Variants in PDE2A observed in about 807,000 individuals in gnomAD.
PDE2A encodes cGMP-dependent 3',5'-cyclic phosphodiesterase.
PDE2A carries 53 observed loss-of-function variants against 133.6 expected under a neutral mutation model. The ratio of observed to expected loss-of-function variants is 0.40; its 90% CI spans 0.32 to 0.50. PDE2A has a LOEUF of 0.50. Among genes scored for constraint, PDE2A ranks in the 20% least tolerant of loss-of-function variants. The probability of loss-of-function intolerance (pLI) is 0.73; values close to 1 mark genes in which losing one functional copy is unlikely to be tolerated. For missense variants in PDE2A, 796 were observed against 1,232.4 expected (o/e 0.65, Z 5.30); for synonymous variants, 491 against 490.2 (o/e 1.00, Z -0.02).
Position 72,588,861 on chromosome 11 carries a change from G to C in PDE2A, c.993C>G (p.Leu331=). The C allele has an allele frequency of 1.9e-6, 3 of 1,611,926 alleles. No individual in the cohort carries two copies. The highest frequency in any genetic ancestry group is 2.7e-5 in the African/African-American group (2 of 75,060). The change falls in exon 13 of 31, where the codon CTC becomes CTG. Residue 331 remains leucine, a synonymous_variant. Transcript: ENST00000334456. ...TGGCCCGGCTGATGACAGGGACACA[G>C]AGCATGGCCTGCAGCTCACAGCCCA... The part of the protein sequence containing the change: ...SMLGCELQAM[L]CVPVISRATD...
chr11:72,582,128 A>G (rs2064943335), intron 21 of PDE2A, 181 bp from the exon 22 acceptor site: 1 of 621,318 alleles, frequency 1.6e-6, no homozygotes, highest in South Asian at 2.0e-5. Flanking sequence ...GAGATCTAAG[A>G]ACTAAGAACT....
At chr11:72,674,055 C>T in intron 1 of PDE2A, 82 bp downstream of exon 1, 1 of 1,412,412 alleles carries the variant, frequency 7.1e-7, no homozygotes, top group Non-Finnish European at 9.8e-7. Context: ...ATGCCAACCC[C>T]AGCTCCTTGG....
At chr11:72,673,990 G>A (rs945474601) in intron 1 of PDE2A, 147 bp downstream of exon 1, 4 of 749,686 alleles carry the variant, frequency 5.3e-6, no homozygotes, top group South Asian at 3.7e-5. Flanking sequence ...GTCTGGCAAC[G>A]CGGGGAGGAG....
chr11:72,655,418 A>G (rs1854867455), intron 1 of PDE2A, among the ~76,000 whole-genome samples: 1 of 149,558 alleles, frequency 6.7e-6, no homozygotes, highest in South Asian at 2.1e-4. Flanking sequence ...ACTCCTCAAG[A>G]ACCTGGCCCA....
intron 1 of PDE2A, chr11:72,668,527 A>G: frequency 1.4e-6 from 1 of 698,524 alleles, no homozygotes; most frequent in Non-Finnish European, 2.6e-6. Flanking sequence ...TCCCTGAGGG[A>G]AGAGGTCGAT....
chr11:72,635,900 C>T (rs1331240497), intron 2 of PDE2A: 1 of 964,800 alleles, frequency 1.0e-6, no homozygotes, highest in Non-Finnish European at 1.3e-6. Context: ...CCTTTGCTCT[C>T]ACTCCCGGCC....
chr11:72,589,994 C>T lies in PDE2A; in HGVS notation c.757-13G>A. ...TCTCCTGCTGCAGCTGAGAGAGGGA[C>T]AGGCAGGGCGAGGGGGTGACCGCGG... On this transcript the variant is annotated splice_polypyrimidine_tract_variant and intron_variant, in intron 9 of 30. Coordinates refer to ENST00000334456, the MANE Select transcript of PDE2A (RefSeq NM_002599.5). The T allele has an allele frequency of 6.2e-7, 1 of 1,607,972 alleles. No individual in the cohort carries two copies. Among genetic ancestry groups the T allele is most frequent in the Non-Finnish European group, 8.5e-7 (1 of 1,177,298 alleles).
At chr11:72,606,418 T>C (rs963865376) in intron 3 of PDE2A, among the ~76,000 whole-genome samples, 3 of 152,156 alleles carry the variant, frequency 2.0e-5, no homozygotes, top group Non-Finnish European at 4.4e-5. Flanking sequence ...TCTGAGAGCG[T>C]CCACAATCCT....
intron 1 of PDE2A, among the ~76,000 whole-genome samples, chr11:72,664,498 C>A (rs1044660056): frequency 6.7e-6 from 1 of 149,742 alleles, no homozygotes; most frequent in African/African-American, 2.5e-5. Flanking sequence ...CTCAGCCTCC[C>A]GAGTAGCTGG....
At chr11:72,592,647 G>A (rs1222380317) in intron 6 of PDE2A, among the ~76,000 whole-genome samples, 1 of 152,174 alleles carries the variant, frequency 6.6e-6, no homozygotes, top group African/African-American at 2.4e-5. Context: ...TGTGGTCCAT[G>A]GTACCACAGA....
Position 72,590,493 on chromosome 11 carries a change from TC to T in PDE2A, c.636del (p.Thr213ArgfsTer80). On this transcript the variant is annotated frameshift_variant, in exon 8 of 31. Transcript: ENST00000334456. LOFTEE classifies it high-confidence loss of function. The surrounding 1 kb of genome is among the most constrained non-coding windows in gnomAD (Gnocchi z 4.8). Reference sequence around the variant, plus strand: ...GCCCCGCCCTTCTGGTCTTCCGCCGTCCCCTCCGGGGGGTTCTGGACGGCTC... The same window carrying T: ...GCCCCGCCCTTCTGGTCTTCCGCCGTCCCTCCGGGGGGTTCTGGACGGCTC... ...APRAVQNPPE[G>X]TAEDQKGGAA... is the part of the protein sequence containing the mutation. 2 of 1,519,634 alleles carry T rather than the reference TC, an allele frequency of 1.3e-6. No homozygotes were observed. Among genetic ancestry groups the T allele is most frequent in the Non-Finnish European group, 8.8e-7 (1 of 1,138,070 alleles). 94.1% of individuals were successfully genotyped at this position (1,519,634 alleles called of 1,614,324 possible). A position where few individuals can be genotyped will look rare whatever the true frequency, so the allele number is the denominator to read the frequency against.
chr11:72,631,192 T>TC, intron 2 of PDE2A: 1 of 1,409,496 alleles, frequency 7.1e-7, no homozygotes. Context: ...TCTCCCCTTC[T>TC]CCCCAGACTG....
chr11:72,614,522 C>T (rs145139884), intron 2 of PDE2A, among the ~76,000 whole-genome samples: 63 of 152,298 alleles, frequency 4.1e-4, no homozygotes, highest in Middle Eastern at 3.4e-3. Flanking sequence ...GCACCAGAAC[C>T]ACCCAGAGTG....
Position 72,584,593 on chromosome 11 carries a change from T to G in PDE2A, c.1495A>C (p.Thr499Pro). ...ATGGGGAAGCAGAGGATGTTGCGCG[T>G]GCGGAAGCCGGTGCTGTCGTCCACG... is the stretch of plus-strand genomic sequence containing the variant. Reference protein sequence around the residue: ...RGVDDSTGFRTRNILCFPIKN... With the variant: ...RGVDDSTGFRPRNILCFPIKN... Residue 499 changes from threonine (T) to proline (P), a missense_variant, in exon 18 of 31, where the codon ACG becomes CCG. This residue lies in a region of PDE2A where 218 missense variants were observed against 465.9 expected (regional missense o/e 0.47). Transcript: ENST00000334456. 6.2e-7 allele frequency: 1 copy of G among 1,612,392 alleles called. No individual in the cohort carries two copies. Among genetic ancestry groups the G allele is most frequent in the Non-Finnish European group, 8.5e-7 (1 of 1,179,986 alleles).
rs547894541 is a variant in PDE2A at position 72,613,175 on chromosome 11, C to G, written c.145-4424G>C. ...CCACAGGTCCTCCTATGGCTCACCC[C>G]ACTGCCTGGCACTGGCTCCATGCCT... On this transcript the variant is annotated intron_variant, in intron 2 of 30. Transcript: ENST00000334456. Among the ~76,000 whole-genome samples, 5 of 152,244 alleles carry G rather than the reference C, an allele frequency of 3.3e-5. No homozygotes were observed. In the South Asian group the frequency reaches 8.3e-4, roughly 25 times the overall value.
chr11:72,581,299 C>G, intron 23 of PDE2A, 58 bp downstream of exon 23: 1 of 1,432,194 alleles, frequency 7.0e-7, no homozygotes, highest in Non-Finnish European at 9.3e-7. Flanking sequence ...GGGTGCTTCC[C>G]TGTCCCAGGG....
chr11:72,623,797 T>C (rs1206277073), intron 2 of PDE2A, among the ~76,000 whole-genome samples: 2 of 152,130 alleles, frequency 1.3e-5, no homozygotes, highest in African/African-American at 4.8e-5. Context: ...TTTTCAAATA[T>C]CTCCAAAGTT....
chr11:72,611,981 G>A (rs1205587457), intron 2 of PDE2A, among the ~76,000 whole-genome samples: 1 of 152,168 alleles, frequency 6.6e-6, no homozygotes, highest in African/African-American at 2.4e-5. Context: ...GAGAATCAGT[G>A]GGGAGCAGCT....
intron 2 of PDE2A, among the ~76,000 whole-genome samples, chr11:72,630,376 G>T (rs993325629): frequency 1.3e-5 from 2 of 152,132 alleles, no homozygotes; most frequent in African/African-American, 4.8e-5. Flanking sequence ...TGACTGCCAG[G>T]GCAGGAGAGC....
Sources: allele counts gnomAD v4.1 joint callset (sites outside exome capture counted in the v4.1 genomes callset), GRCh38; gene constraint gnomAD v4.1.1; regional missense constraint gnomAD v4.1.1; non-coding constraint Gnocchi (gnomAD v3.1); transcripts MANE v1.5; gene names NCBI Gene and HGNC (gene_info 2026-07-23, HGNC 2026-07-21).